Variants in ANKH observed in about 807,000 individuals in gnomAD.
The protein encoded by ANKH is ANKH inorganic pyrophosphate transport regulator.
ANKH carries 15 observed loss-of-function variants against 49.0 expected under a neutral mutation model. That is an observed-to-expected ratio of 0.31 (90% CI 0.20 to 0.47). The LOEUF (loss-of-function observed/expected upper bound fraction) is 0.47, where lower values mean the gene tolerates loss of function less well. Among genes scored for constraint, ANKH ranks in the 20% least tolerant of loss-of-function variants. The probability of loss-of-function intolerance (pLI) is 1.00; values close to 1 mark genes in which losing one functional copy is unlikely to be tolerated. For missense variants in ANKH, 429 were observed against 652.0 expected (o/e 0.66, Z 3.72); for synonymous variants, 273 against 260.0 (o/e 1.05, Z -0.48).
At chr5:14,788,961 G>T (rs1277696430) in intron 1 of ANKH, among the ~76,000 whole-genome samples, 1 of 152,224 alleles carries the variant, frequency 6.6e-6, no homozygotes, top group African/African-American at 2.4e-5. Context: ...GGGCACGGTG[G>T]CTCACGCCTG....
chr5:14,716,475 G>A (rs1353620503), intron 9 of ANKH, among the ~76,000 whole-genome samples: 3 of 151,918 alleles, frequency 2.0e-5, no homozygotes, highest in African/African-American at 7.3e-5. Flanking sequence ...CTGGGTGACG[G>A]AATGAAACTC....
intron 1 of ANKH, among the ~76,000 whole-genome samples, chr5:14,778,987 T>C (rs980627478): frequency 1.3e-5 from 2 of 152,228 alleles, no homozygotes; most frequent in Admixed American, 6.5e-5. Context: ...GGGAAGACTT[T>C]GAGATGCATT....
At chr5:14,787,494 C>T (rs1385828572) in intron 1 of ANKH, among the ~76,000 whole-genome samples, 1 of 152,070 alleles carries the variant, frequency 6.6e-6, no homozygotes, top group Admixed American at 6.6e-5. Flanking sequence ...GCTGTTCATC[C>T]TGGTTATTTT....
intron 1 of ANKH, among the ~76,000 whole-genome samples, chr5:14,799,617 T>C (rs566087572): frequency 2.6e-5 from 4 of 152,312 alleles, no homozygotes; most frequent in African/African-American, 9.6e-5. Context: ...TCTGCCTGTG[T>C]TACAGCAAAG....
At chr5:14,782,782 G>A (rs1739850663) in intron 1 of ANKH, among the ~76,000 whole-genome samples, 1 of 152,174 alleles carries the variant, frequency 6.6e-6, no homozygotes, top group Admixed American at 6.5e-5. Context: ...TCATGACTGT[G>A]AAGCTTGGTG....
chr5:14,792,178 G>C (rs760221594), intron 1 of ANKH, among the ~76,000 whole-genome samples: 11 of 152,192 alleles, frequency 7.2e-5, no homozygotes, highest in Non-Finnish European at 1.2e-4. Context: ...CGTGCATGGA[G>C]TGGAGAGAAA....
chr5:14,861,192 C>T lies in ANKH; in HGVS notation c.96+10160G>A, dbSNP rs1580123753. On this transcript the variant is annotated intron_variant, in intron 1 of 11. Transcript: ENST00000284268. ...AACTAGTTCTCACAACATAAATGCT[C>T]GCACAGGATGACTGAACCTCCAAGA... Among the ~76,000 whole-genome samples, 3 of 152,294 alleles carry T rather than the reference C, an allele frequency of 2.0e-5. No individual in the cohort carries two copies. In the East Asian group the frequency reaches 5.8e-4, roughly 29 times the overall value.
chr5:14,727,553 A>G (rs1737860803), intron 8 of ANKH, among the ~76,000 whole-genome samples: 1 of 151,940 alleles, frequency 6.6e-6, no homozygotes, highest in Admixed American at 6.6e-5. Context: ...AAGCCCGCAG[A>G]GGGTTGTCCA....
chr5:14,758,371 G>T, intron 3 of ANKH, 109 bp downstream of exon 3: 1 of 811,874 alleles, frequency 1.2e-6, no homozygotes, highest in Non-Finnish European at 2.1e-6. Flanking sequence ...TGTACTTCCT[G>T]CCATTAAGCT....
At position 14,708,375 on chromosome 5, in the gene ANKH, C is replaced by CTT. The variant is rs1737022212; in HGVS notation, c.*2820_*2821dup. ...AAGTCACACCTGGTCTTTCCCTGGT[C>CTT]TTTGACATGAGAATCTCACAGGCAT... On this transcript the variant is annotated 3_prime_UTR_variant, in exon 12 of 12. Transcript: ENST00000284268. The CTT allele has an allele frequency of 6.6e-6, 1 of 152,204 alleles. No individual in the cohort carries two copies. The highest frequency in any genetic ancestry group is 6.5e-5 in the Admixed American group (1 of 15,280). 9.4% of individuals were successfully genotyped at this position (152,204 alleles called of 1,614,324 possible).
chr5:14,754,690 G>C (rs985172415), intron 4 of ANKH, among the ~76,000 whole-genome samples: 66 of 152,178 alleles, frequency 4.3e-4, no homozygotes, highest in African/African-American at 1.5e-3. Flanking sequence ...GGTCTTCAGG[G>C]AAGTACTAAC....
At chr5:14,793,041 T>G (rs1740241753) in intron 1 of ANKH, among the ~76,000 whole-genome samples, 1 of 47,882 alleles carries the variant, frequency 2.1e-5, no homozygotes. Context: ...TATAAAAATA[T>G]ATATATAAAT....
chr5:14,716,822 A>G lies in ANKH; in HGVS notation c.1025T>C (p.Met342Thr). The change falls in exon 9 of 12, where the codon ATG (methionine) becomes ACG (threonine). Residue 342 changes from methionine (M) to threonine (T), a missense_variant. This residue lies in a region of ANKH where 378 missense variants were observed against 615.3 expected (regional missense o/e 0.61). Transcript: ENST00000284268. ...CTCAGACACGTTGGGTGTCCAAAAC[A>G]TCACGAAACAGAGCTGGGGAGAAAG... ...MALSLTLCFV[M>T]FWTPNVSEKI... 1 of 1,614,102 alleles carries G rather than the reference A, an allele frequency of 6.2e-7. No individual in the cohort carries two copies. The highest frequency in any genetic ancestry group is 1.1e-5 in the South Asian group (1 of 91,080).
At chr5:14,833,402 T>G (rs1272762798) in intron 1 of ANKH, among the ~76,000 whole-genome samples, 1 of 152,172 alleles carries the variant, frequency 6.6e-6, no homozygotes, top group Non-Finnish European at 1.5e-5. Context: ...GAATGGGTAA[T>G]AGACTAGTAA....
chr5:14,847,663 G>A (rs186603022), intron 1 of ANKH, among the ~76,000 whole-genome samples: 248 of 152,234 alleles, frequency 1.6e-3, no homozygotes, highest in African/African-American at 5.7e-3. Flanking sequence ...CATATGGATT[G>A]GCACAGTAAA....
rs543365310 is a variant in ANKH, at chr5:14,708,099, T to A, written c.*3098A>T. On this transcript the variant is annotated 3_prime_UTR_variant, in exon 12 of 12. Transcript: ENST00000284268. ...TCTAGTTCTTTTTGCTCAGTTGTTG[T>A]CTCACTGACGCCCTTTGCCACTGAG... The A allele has an allele frequency of 6.6e-6, 1 of 152,344 alleles. No homozygotes were observed. The highest frequency in any genetic ancestry group is 2.1e-4 in the South Asian group (1 of 4,830). 9.4% of individuals were successfully genotyped at this position (152,344 alleles called of 1,614,324 possible).
rs777255149 is a variant in ANKH, at chr5:14,810,348, G to T, written c.97-41157C>A. Reference sequence around the variant, plus strand: ...ATTTTTCTGTATTTTTAGTAGAGGCGCGGTTTCACCATGTTGGGCAGGATG... The same window carrying T: ...ATTTTTCTGTATTTTTAGTAGAGGCTCGGTTTCACCATGTTGGGCAGGATG... On this transcript the variant is annotated intron_variant, in intron 1 of 11. Transcript: ENST00000284268. Among the ~76,000 whole-genome samples, 17 of 151,984 alleles carry T rather than the reference G, an allele frequency of 1.1e-4. No individual in the cohort carries two copies. In the East Asian group the frequency reaches 1.6e-3, roughly 14 times the overall value.
intron 1 of ANKH, among the ~76,000 whole-genome samples, chr5:14,854,050 A>T (rs1343845246): frequency 1.3e-5 from 2 of 152,246 alleles, no homozygotes; most frequent in Non-Finnish European, 2.9e-5. Flanking sequence ...CCAGTGCCAA[A>T]TATTCATAAA....
At chr5:14,792,712 C>T (rs186221278) in intron 1 of ANKH, among the ~76,000 whole-genome samples, 9 of 151,754 alleles carry the variant, frequency 5.9e-5, no homozygotes, top group Non-Finnish European at 7.4e-5. Context: ...CGGTGGCTCA[C>T]GCCTGTAATC....
Sources: allele counts gnomAD v4.1 joint callset (sites outside exome capture counted in the v4.1 genomes callset), GRCh38; gene constraint gnomAD v4.1.1; regional missense constraint gnomAD v4.1.1; transcripts MANE v1.5; gene names NCBI Gene and HGNC (gene_info 2026-07-23, HGNC 2026-07-21).